Variants in TSC22D1 observed in about 807,000 individuals in gnomAD.
The protein encoded by TSC22D1 is TSC22 domain family protein 1.
A neutral mutation model predicts 74.2 loss-of-function variants in TSC22D1; 9 were observed. The ratio of observed to expected loss-of-function variants is 0.12; its 90% CI spans 0.07 to 0.21. TSC22D1 has a LOEUF of 0.21. Among genes scored for constraint, TSC22D1 ranks in the 10% least tolerant of loss-of-function variants. The probability of loss-of-function intolerance (pLI) is 1.00; values close to 1 mark genes in which losing one functional copy is unlikely to be tolerated. For synonymous variants in TSC22D1, 586 were observed against 492.5 expected (o/e 1.19, Z -2.51); for missense variants, 1,427 against 1,304.7 (o/e 1.09, Z -1.44).
At chr13:44,467,736 T>C (rs766270234) in intron 1 of TSC22D1, among the ~76,000 whole-genome samples, 9 of 151,868 alleles carry the variant, frequency 5.9e-5, no homozygotes, top group Admixed American at 2.0e-4. Flanking sequence ...TTGTTTAAAG[T>C]CAAAAAACAA....
intron 1 of TSC22D1, among the ~76,000 whole-genome samples, chr13:44,569,975 A>G (rs1039362170): frequency 2.6e-5 from 4 of 152,186 alleles, no homozygotes; most frequent in African/African-American, 9.7e-5. Context: ...AGGAATATTA[A>G]AAAGTGCTAA....
chr13:44,437,186 G>T (rs185020152), intron 1 of TSC22D1: 213 of 985,534 alleles, frequency 2.2e-4, no homozygotes, highest in Non-Finnish European at 2.3e-4. Context: ...GTTTAAGGGA[G>T]TCAGACCCCG....
At chr13:44,446,930 G>A (rs1875728441) in intron 1 of TSC22D1, among the ~76,000 whole-genome samples, 1 of 151,898 alleles carries the variant, frequency 6.6e-6, no homozygotes, top group Non-Finnish European at 1.5e-5. Flanking sequence ...TTTTATTGTA[G>A]TAAAAAACAC....
At chr13:44,505,942 C>T (rs542854054) in intron 1 of TSC22D1, among the ~76,000 whole-genome samples, 4 of 152,266 alleles carry the variant, frequency 2.6e-5, no homozygotes, top group African/African-American at 9.6e-5. Flanking sequence ...TACATTAACT[C>T]ATTTTATTCC....
At chr13:44,447,232 C>T (rs1326938070) in intron 1 of TSC22D1, among the ~76,000 whole-genome samples, 1 of 152,040 alleles carries the variant, frequency 6.6e-6, no homozygotes, top group African/African-American at 2.4e-5. Flanking sequence ...AGTCCTCCCA[C>T]CTTAGCCTTC....
At chr13:44,462,401 G>C (rs1157467295) in intron 1 of TSC22D1, among the ~76,000 whole-genome samples, 1 of 152,100 alleles carries the variant, frequency 6.6e-6, no homozygotes, top group Non-Finnish European at 1.5e-5. Flanking sequence ...TATGGAAAAA[G>C]AAAGCAGACT....
chr13:44,471,611 A>G (rs142352031), intron 1 of TSC22D1, among the ~76,000 whole-genome samples: 156 of 152,348 alleles, frequency 1.0e-3, no homozygotes, highest in African/African-American at 3.4e-3. Flanking sequence ...AAGTTTCTTA[A>G]CATCATATTG....
At chr13:44,511,992 T>C (rs564717529) in intron 1 of TSC22D1, among the ~76,000 whole-genome samples, 18 of 152,306 alleles carry the variant, frequency 1.2e-4, no homozygotes, top group Admixed American at 3.3e-4. Flanking sequence ...ATTCTCATTC[T>C]ACACACATTT....
chr13:44,574,938 G>A lies in TSC22D1; in HGVS notation c.1137C>T (p.Ser379=), dbSNP rs1884096634. The A allele has an allele frequency of 6.2e-7, 1 of 1,613,974 alleles. No individual in the cohort carries two copies. The highest frequency in any genetic ancestry group is 1.7e-5 in the Admixed American group (1 of 60,012). The change falls in exon 1 of 3, where the codon AGC becomes AGT. Residue 379 remains serine (S), a synonymous_variant. Coordinates refer to ENST00000458659, the MANE Select transcript of TSC22D1 (RefSeq NM_183422.4). ...TCCCTGCAGCTGCATTAGGAACACT[G>A]CTAACAGCAGCAGAGGAAGAAATAG... ...NGTISSSAAV[S]SVPNAAAGMT...
intron 1 of TSC22D1, chr13:44,516,203 A>T (rs1025697288): frequency 3.2e-5 from 8 of 246,284 alleles, no homozygotes; most frequent in Middle Eastern, 4.5e-4. Context: ...CTATGCTACT[A>T]AAAAAAAAGT....
Position 44,573,146 on chromosome 13 carries a change from A to T in TSC22D1, c.2912+17T>A, listed in dbSNP as rs760352181. ...TCAAATCTGTTGAATGTCTCCAGAA[A>T]TATGACATGATCTTACCTCTCATCC... On this transcript the variant is annotated intron_variant, in intron 1 of 2. Transcript: ENST00000458659. 1 of 1,608,946 alleles carries T rather than the reference A, an allele frequency of 6.2e-7. No homozygotes were observed. The highest frequency in any genetic ancestry group is 1.7e-5 in the Admixed American group (1 of 59,518).
chr13:44,562,828 C>T (rs1028330920), intron 1 of TSC22D1, among the ~76,000 whole-genome samples: 9 of 152,032 alleles, frequency 5.9e-5, no homozygotes, highest in Admixed American at 2.0e-4. Flanking sequence ...TAAATTGAGC[C>T]GGGAGCCGTG....
chr13:44,435,711 AT>A, intron 2 of TSC22D1: 2 of 356,438 alleles, frequency 5.6e-6, no homozygotes, highest in South Asian at 5.4e-5. Context: ...GTAAAGCCAC[AT>A]CGCTAAAGGT....
In TSC22D1 at chr13:44,434,891, G is replaced by T. The variant is rs1874408292; in HGVS notation, c.2965-8C>A. 1.2e-6 allele frequency: 2 copies of T among 1,607,126 alleles called. No individual in the cohort carries two copies. Among genetic ancestry groups the T allele is most frequent in the East Asian group, 4.5e-5 (2 of 44,834 alleles). On this transcript the variant is annotated splice_polypyrimidine_tract_variant and splice_region_variant and intron_variant, in intron 2 of 2. Coordinates refer to ENST00000458659, the MANE Select transcript of TSC22D1 (RefSeq NM_183422.4). Reference sequence around the variant, plus strand: ...ATGGCTTTTCACTAGATCCTGGAAAGAAGACAGAAAAGGTTTAACTCATTA... The same window carrying T: ...ATGGCTTTTCACTAGATCCTGGAAATAAGACAGAAAAGGTTTAACTCATTA...
At chr13:44,486,615 C>A (rs1878436888) in intron 1 of TSC22D1, among the ~76,000 whole-genome samples, 1 of 152,156 alleles carries the variant, frequency 6.6e-6, no homozygotes, top group Admixed American at 6.5e-5. Context: ...TGAATGGACA[C>A]ATAGAGAATC....
chr13:44,441,111 A>T (rs946681237), intron 1 of TSC22D1, among the ~76,000 whole-genome samples: 1 of 152,210 alleles, frequency 6.6e-6, no homozygotes, highest in Admixed American at 6.5e-5. Flanking sequence ...CCAGGAACTC[A>T]GATACTGGAG....
At chr13:44,440,139 A>C (rs1031324990) in intron 1 of TSC22D1, among the ~76,000 whole-genome samples, 1 of 152,240 alleles carries the variant, frequency 6.6e-6, no homozygotes, top group African/African-American at 2.4e-5. Context: ...AATGGCAGAA[A>C]AACAACAAAT....
At chr13:44,456,112 A>AAAGT (rs1555264669) in intron 1 of TSC22D1, among the ~76,000 whole-genome samples, 3 of 152,202 alleles carry the variant, frequency 2.0e-5, no homozygotes, top group African/African-American at 7.2e-5. Context: ...TCGCTGACTT[A>AAAGT]AAGAATAAAG....
chr13:44,526,878 C>G (rs1427223656), intron 1 of TSC22D1, among the ~76,000 whole-genome samples: 1 of 152,112 alleles, frequency 6.6e-6, no homozygotes, highest in Non-Finnish European at 1.5e-5. Flanking sequence ...AAAATCTACA[C>G]TTAGGCATGT....
Sources: allele counts gnomAD v4.1 joint callset (sites outside exome capture counted in the v4.1 genomes callset), GRCh38; gene constraint gnomAD v4.1.1; transcripts MANE v1.5; gene names NCBI Gene and HGNC (gene_info 2026-07-23, HGNC 2026-07-21).